Variants in METAP1 observed in about 807,000 individuals in gnomAD.
METAP1 encodes the protein methionyl aminopeptidase 1, also known as methionine aminopeptidase 1.
METAP1 carries 28 observed loss-of-function variants against 53.8 expected under a neutral mutation model. That is an observed-to-expected ratio of 0.52 (90% CI 0.39 to 0.71). The LOEUF (loss-of-function observed/expected upper bound fraction) is 0.71. Among genes scored for constraint, METAP1 ranks in the 30% least tolerant of loss-of-function variants. METAP1 has a pLI of 0.00. For synonymous variants in METAP1, 181 were observed against 165.7 expected, an observed-to-expected ratio of 1.09 and a Z score of -0.71; for missense variants, 389 against 479.8, an observed-to-expected ratio of 0.81 and a Z score of 1.77.
intron 1 of METAP1, chr4:99,026,444 A>G: frequency 1.0e-6 from 1 of 985,386 alleles, no homozygotes; most frequent in Non-Finnish European, 1.2e-6. Context: ...AAACGACCTA[A>G]TGGAATGGGT....
At chr4:99,038,958 G>A (rs1725646542) in intron 4 of METAP1, among the ~76,000 whole-genome samples, 1 of 152,090 alleles carries the variant, frequency 6.6e-6, no homozygotes, top group Non-Finnish European at 1.5e-5. Context: ...ACTTAACTTT[G>A]GTTCCTGTTT....
In METAP1 at chr4:99,042,751, G is replaced by A. The variant is rs559100682; in HGVS notation, c.517-498G>A. 1.5e-3 allele frequency among the ~76,000 whole-genome samples: 229 copies of A among 151,958 alleles called. 1 individual carries two copies. The highest frequency in any genetic ancestry group is 2.4e-3 in the Non-Finnish European group (165 of 67,906). The stretch of plus-strand genomic sequence containing the variant: ...TTCTAAAGTAAAATCTTCATATGTG[G>A]TAATATTTATATATATATTTGTTAT... On this transcript the variant is annotated intron_variant, in intron 6 of 10. Transcript: ENST00000296411.
intron 1 of METAP1, among the ~76,000 whole-genome samples, chr4:99,011,173 G>A (rs1325950054): frequency 1.3e-5 from 2 of 151,882 alleles, no homozygotes; most frequent in Non-Finnish European, 2.9e-5. Context: ...TAATTGCTCT[G>A]GCTAGGACTT....
intron 1 of METAP1, among the ~76,000 whole-genome samples, chr4:99,001,934 AAAC>A (rs767808860): frequency 1.1e-4 from 17 of 152,140 alleles, no homozygotes; most frequent in Non-Finnish European, 1.9e-4. Context: ...AGAATTTGTA[AAAC>A]AACAACAACA....
rs1725361166 is a variant in METAP1, at chr4:99,035,473, A to G, written c.340+13A>G. On this transcript the variant is annotated intron_variant, in intron 4 of 10. Transcript: ENST00000296411. ...GATCATCCCTTAGGTAAGCTCTGCT[A>G]TGTTGATTCTTCATTTTTCAATTTG... 16 of 1,528,636 alleles carry G rather than the reference A, an allele frequency of 1.0e-5. No individual in the cohort carries two copies. The highest frequency in any genetic ancestry group is 1.4e-5 in the Non-Finnish European group (16 of 1,127,028). The allele number at this position is 1,528,636 out of a possible 1,614,324, so 94.7% of individuals were successfully genotyped here.
Position 99,001,377 on chromosome 4 carries a change from TA to T in METAP1, c.114+5511del, listed in dbSNP as rs1722917982. Among the ~76,000 whole-genome samples the T allele has an allele frequency of 2.0e-5, 3 of 152,244 alleles. No individual in the cohort carries two copies. In the South Asian group the frequency reaches 6.2e-4, roughly 31 times the overall value. ...AAATAATTTCATAAATTGTTTATTGTAGAAAAATAGAAAATATGTGTGAAGA... is the reference window on the plus strand; with the variant it reads ...AAATAATTTCATAAATTGTTTATTGTGAAAAATAGAAAATATGTGTGAAGA... On this transcript the variant is annotated intron_variant, in intron 1 of 10. Coordinates refer to ENST00000296411, the MANE Select transcript of METAP1 (RefSeq NM_015143.3).
At chr4:99,034,209 A>G in intron 2 of METAP1, 21 bp from the exon 3 acceptor site, 1 of 1,404,110 alleles carries the variant, frequency 7.1e-7, no homozygotes, top group Non-Finnish European at 9.9e-7. Context: ...TTCCTCTCAT[A>G]TCTATTCCTC....
intron 9 of METAP1, among the ~76,000 whole-genome samples, chr4:99,055,526 T>A (rs1013977435): frequency 6.6e-6 from 1 of 152,220 alleles, no homozygotes; most frequent in East Asian, 1.9e-4. Context: ...ACAAATTTTT[T>A]AAAAAGTACC....
intron 1 of METAP1, among the ~76,000 whole-genome samples, chr4:99,003,060 CTG>C (rs1408914678): frequency 7.0e-6 from 1 of 142,106 alleles, no homozygotes; most frequent in Non-Finnish European, 1.6e-5. Context: ...CAGAATAAGA[CTG>C]TCTCAAAAAC....
chr4:99,009,621 G>T (rs1723373021), intron 1 of METAP1, among the ~76,000 whole-genome samples: 1 of 152,134 alleles, frequency 6.6e-6, no homozygotes, highest in Non-Finnish European at 1.5e-5. Flanking sequence ...CTGATGATTA[G>T]TGATGTTGAG....
chr4:99,041,985 C>G (rs1038607297), intron 6 of METAP1, among the ~76,000 whole-genome samples: 3 of 151,694 alleles, frequency 2.0e-5, no homozygotes, highest in African/African-American at 7.3e-5. Context: ...CTCTGTGGGC[C>G]AGGTACTCAA....
intron 9 of METAP1, among the ~76,000 whole-genome samples, chr4:99,049,529 T>C (rs1207916050): frequency 2.0e-5 from 3 of 152,100 alleles, no homozygotes; most frequent in Non-Finnish European, 4.4e-5. Context: ...TTAGGTTGAG[T>C]GCCGTGTGAT....
At chr4:99,023,081 C>T (rs11730116) in intron 1 of METAP1, 677,355 of 1,265,902 alleles carry the variant, frequency 0.54, 188,496 homozygotes, top group South Asian at 0.69. Context: ...TGGTCTGTCC[C>T]TTCCAGCGCC....
At position 99,061,235 on chromosome 4, in the gene METAP1, C is replaced by G; in HGVS notation, c.1079C>G (p.Thr360Ser). 6.2e-7 allele frequency: 1 copy of G among 1,613,992 alleles called. No homozygotes were observed. Among genetic ancestry groups the G allele is most frequent in the Non-Finnish European group, 8.5e-7 (1 of 1,179,892 alleles). ...DGKRSAQFEH[T>S]LLVTDTGCEI... Reference sequence around the variant, plus strand: ...AAGCGGTCTGCTCAGTTTGAGCACACCCTCCTGGTCACAGACACTGGCTGT... The same window carrying G: ...AAGCGGTCTGCTCAGTTTGAGCACAGCCTCCTGGTCACAGACACTGGCTGT... Residue 360 changes from threonine to serine, a missense_variant, in exon 11 of 11, where the codon ACC becomes AGC. By Grantham distance (58) the Thr-to-Ser change is moderately conservative. Transcript: ENST00000296411.
intron 1 of METAP1, among the ~76,000 whole-genome samples, chr4:99,007,454 A>G (rs1183020372): frequency 1.3e-5 from 2 of 151,960 alleles, no homozygotes; most frequent in African/African-American, 4.8e-5. Flanking sequence ...TTTCTCAACA[A>G]TCTTTCTCTG....
chr4:99,033,164 T>G (rs1725169795), intron 2 of METAP1, among the ~76,000 whole-genome samples: 1 of 152,146 alleles, frequency 6.6e-6, no homozygotes. Context: ...ATATTGTCTT[T>G]AAGATCCTCT....
intron 1 of METAP1, among the ~76,000 whole-genome samples, chr4:99,022,112 A>T (rs1724151718): frequency 6.6e-6 from 1 of 152,248 alleles, no homozygotes; most frequent in African/African-American, 2.4e-5. Context: ...CTAGTATGAC[A>T]GTATGAATTA....
At chr4:98,995,998 T>C in intron 1 of METAP1, 131 bp downstream of exon 1, 2 of 722,028 alleles carry the variant, frequency 2.8e-6, no homozygotes, top group Non-Finnish European at 4.7e-6. Context: ...CGTTTCCTCC[T>C]CCCCCCACCC....
intron 9 of METAP1, 110 bp downstream of exon 9, chr4:99,048,986 T>G: frequency 2.4e-6 from 3 of 1,269,244 alleles, no homozygotes; most frequent in Non-Finnish European, 3.3e-6. Context: ...ATCTCTTAGC[T>G]GTAATAGATA....
Sources: allele counts gnomAD v4.1 joint callset (sites outside exome capture counted in the v4.1 genomes callset), GRCh38; gene constraint gnomAD v4.1.1; transcripts MANE v1.5; gene names NCBI Gene and HGNC (gene_info 2026-07-23, HGNC 2026-07-21).